The following HSF5 variants were observed in gnomAD, a reference collection of about 807,000 sequenced individuals.
HSF5 encodes the protein heat shock factor protein 5.
A neutral mutation model predicts 50.8 loss-of-function variants in HSF5; 5 were observed. That is an observed-to-expected ratio of 0.10 (90% CI 0.05 to 0.21). The LOEUF (loss-of-function observed/expected upper bound fraction) is 0.21, where lower values mean the gene tolerates loss of function less well. Among genes scored for constraint, HSF5 ranks in the 10% least tolerant of loss-of-function variants. The pLI, the probability that HSF5 is intolerant of heterozygous loss-of-function variation, is 1.00. For synonymous variants in HSF5, 307 were observed against 307.4 expected (o/e 1.00, Z 0.02); for missense variants, 564 against 762.6 (o/e 0.74, Z 3.07).
Position 58,458,954 on chromosome 17 carries a change from T to C in HSF5, c.1543-9A>G. 6.3e-7 allele frequency: 1 copy of C among 1,597,062 alleles called. No homozygotes were observed. ...TTTATGTTGGCATCCACCTAAAATATTAAACCCATTCATTATTTGAGATTT... is the reference window on the plus strand; with the variant it reads ...TTTATGTTGGCATCCACCTAAAATACTAAACCCATTCATTATTTGAGATTT... On this transcript the variant is annotated splice_polypyrimidine_tract_variant and intron_variant, in intron 4 of 5. Coordinates refer to ENST00000323777, the MANE Select transcript of HSF5 (RefSeq NM_001080439.3).
At chr17:58,464,586 T>G (rs549296624) in intron 3 of HSF5, among the ~76,000 whole-genome samples, 32 of 152,368 alleles carry the variant, frequency 2.1e-4, no homozygotes, top group African/African-American at 7.7e-4. Flanking sequence ...ATTTTATGTG[T>G]GCTTATTGCT....
intron 3 of HSF5, among the ~76,000 whole-genome samples, chr17:58,466,619 T>A (rs1362161311): frequency 6.6e-6 from 1 of 152,226 alleles, no homozygotes; most frequent in Non-Finnish European, 1.5e-5. Flanking sequence ...ACTGAGGAAT[T>A]TTTAAATTTC....
chr17:58,480,619 A>C (rs1975084838), intron 1 of HSF5, among the ~76,000 whole-genome samples: 1 of 152,156 alleles, frequency 6.6e-6, no homozygotes, highest in African/African-American at 2.4e-5. Context: ...CCAACGTGTA[A>C]GCTACTTCCT....
intron 5 of HSF5, among the ~76,000 whole-genome samples, chr17:58,447,009 C>T (rs1974570738): frequency 6.6e-6 from 1 of 152,148 alleles, no homozygotes; most frequent in African/African-American, 2.4e-5. Context: ...CCTGTAGTCC[C>T]AGCTACTTGG....
chr17:58,458,226 T>C (rs1974740036), intron 5 of HSF5, among the ~76,000 whole-genome samples: 1 of 152,236 alleles, frequency 6.6e-6, no homozygotes, highest in African/African-American at 2.4e-5. Context: ...GAATCAACTG[T>C]ATGTGCCTAA....
At chr17:58,458,656 C>CA in intron 5 of HSF5, 112 bp downstream of exon 5, 1 of 763,140 alleles carries the variant, frequency 1.3e-6, no homozygotes, top group Non-Finnish European at 2.0e-6. Flanking sequence ...AGCAATGTGA[C>CA]AGGTCTAATA....
In HSF5 at chr17:58,479,988, T is replaced by C. The variant is rs750480602; in HGVS notation, c.830A>G (p.His277Arg). The C allele has an allele frequency of 1.9e-6, 3 of 1,614,086 alleles. No individual in the cohort carries two copies. The highest frequency in any genetic ancestry group is 1.7e-5 in the Admixed American group (1 of 59,996). ...CATTGTTTGAGGACCTTGTTGAACA[T>C]GTACAGATGTGGTGCTGGGCTGCAG... The part of the protein sequence containing the change: ...YTLQPSTTSV[H>R]VQQGPQTMVS... The change falls in exon 2 of 6, where the codon CAT (histidine) becomes CGT (arginine). Residue 277 changes from histidine to arginine, a missense_variant. Coordinates refer to ENST00000323777, the MANE Select transcript of HSF5 (RefSeq NM_001080439.3).
chr17:58,458,832 T>C lies in HSF5; in HGVS notation c.1656A>G (p.Thr552=), dbSNP rs1598192753. Residue 552 remains threonine, a synonymous_variant, in exon 5 of 6, where the codon ACA becomes ACG. Coordinates refer to ENST00000323777, the MANE Select transcript of HSF5 (RefSeq NM_001080439.3). ...MGPASKPSED[T]GLATPARYRE... ...TGTATCTGGCTGGAGTGGCTAAACC[T>C]GTGTCTTCACTAGGCTTGCTAGCAG... is the stretch of plus-strand genomic sequence containing the variant. 6.2e-7 allele frequency: 1 copy of C among 1,614,152 alleles called. No homozygotes were observed. The highest frequency in any genetic ancestry group is 8.5e-7 in the Non-Finnish European group (1 of 1,180,014).
At chr17:58,430,294 A>G (rs1170713656) in intron 5 of HSF5, among the ~76,000 whole-genome samples, 2 of 151,562 alleles carry the variant, frequency 1.3e-5, no homozygotes, top group Non-Finnish European at 2.9e-5. Flanking sequence ...CTAGTCTTGA[A>G]CTCCTGACCT....
At chr17:58,480,723 G>A (rs1019334990) in intron 1 of HSF5, among the ~76,000 whole-genome samples, 1 of 151,746 alleles carries the variant, frequency 6.6e-6, no homozygotes, top group Non-Finnish European at 1.5e-5. Flanking sequence ...AAATGGGTGT[G>A]GAACATATAA....
chr17:58,488,035 G>A lies in HSF5; in HGVS notation c.240C>T (p.Phe80=). ...ELFKTTSFTS[F]IRQLNLYGFR... ...AGCCGTAGAGGTTGAGCTGGCGGAT[G>A]AAGCTGGTGAAGCTGGTGGTTTTGA... Residue 80 remains phenylalanine, a synonymous_variant, in exon 1 of 6, where the codon TTC becomes TTT. Transcript: ENST00000323777. The surrounding 1 kb of genome is among the most constrained non-coding windows in gnomAD (Gnocchi z 4.1). 6.2e-7 allele frequency: 1 copy of A among 1,604,564 alleles called. No homozygotes were observed. Among genetic ancestry groups the A allele is most frequent in the Non-Finnish European group, 8.5e-7 (1 of 1,177,564 alleles).
chr17:58,477,340 T>C (rs1343586176), intron 2 of HSF5, among the ~76,000 whole-genome samples: 1 of 151,742 alleles, frequency 6.6e-6, no homozygotes, highest in Non-Finnish European at 1.5e-5. Flanking sequence ...CAGGCTGGTC[T>C]CGAACTCCTG....
In HSF5 at chr17:58,428,064, G is replaced by A. The variant is rs1974317384; in HGVS notation, c.1721-5634C>T. On this transcript the variant is annotated intron_variant, in intron 5 of 5. Coordinates refer to ENST00000323777, the MANE Select transcript of HSF5 (RefSeq NM_001080439.3). ...ATTTCACATAATTTTCATGTATCAT[G>A]AAATATTCTTTTGATTTTTTCCTCC... Among the ~76,000 whole-genome samples, 3 of 152,168 alleles carry A rather than the reference G, an allele frequency of 2.0e-5. No individual in the cohort carries two copies. In the South Asian group the frequency reaches 6.2e-4, roughly 32 times the overall value.
intron 3 of HSF5, among the ~76,000 whole-genome samples, chr17:58,465,445 C>T (rs1974852087): frequency 6.6e-6 from 1 of 152,004 alleles, no homozygotes; most frequent in African/African-American, 2.4e-5. Flanking sequence ...AGTGCCTGGA[C>T]CCACAAACAA....
intron 2 of HSF5, among the ~76,000 whole-genome samples, chr17:58,478,475 C>CAAAAA (rs1189444544): frequency 3.3e-4 from 19 of 57,196 alleles, no homozygotes; most frequent in South Asian, 5.6e-4. Flanking sequence ...GACTCCATCT[C>CAAAAA]AAAAAAAAAA....
chr17:58,425,575 CAAAAAAAAAAAAAAA>C (rs66502039), intron 5 of HSF5, among the ~76,000 whole-genome samples: 3 of 32,984 alleles, frequency 9.1e-5, no homozygotes, highest in Admixed American at 1.0e-3. Context: ...ACCTCTATCT[CAAAAAAAAAAAAAAA>C]AAAAAAAAAA....
At chr17:58,462,709 C>A in intron 4 of HSF5, 73 bp downstream of exon 4, 2 of 1,384,864 alleles carry the variant, frequency 1.4e-6, no homozygotes, top group Non-Finnish European at 2.0e-6. Context: ...AACAAACTCT[C>A]CACTAGAATA....
At chr17:58,477,351 A>T (rs1975030302) in intron 2 of HSF5, among the ~76,000 whole-genome samples, 1 of 150,314 alleles carries the variant, frequency 6.7e-6, no homozygotes, top group Non-Finnish European at 1.5e-5. Flanking sequence ...CGAACTCCTG[A>T]CCTCATGAAT....
intron 5 of HSF5, among the ~76,000 whole-genome samples, chr17:58,424,778 C>T (rs770301413): frequency 1.6e-4 from 25 of 151,980 alleles, no homozygotes; most frequent in Admixed American, 5.9e-4. Flanking sequence ...AGAGCAAAAC[C>T]CTGTCTCAAA....
Sources: gnomAD v4.1 joint callset for allele counts (sites outside exome capture counted in the v4.1 genomes callset) on GRCh38, gnomAD v4.1.1 for gene constraint, Gnocchi (gnomAD v3.1) non-coding constraint, MANE v1.5 for transcripts, NCBI Gene and HGNC (gene_info 2026-07-23, HGNC 2026-07-21) for gene names.